MYOF: variants seen among roughly 807,000 people sequenced by gnomAD.
The protein encoded by MYOF is myoferlin.
In MYOF, 244 loss-of-function variants were observed where a neutral mutation model predicts 284.2. That is an observed-to-expected ratio of 0.86 (90% CI 0.77 to 0.95). The LOEUF is 0.95. Among genes scored for constraint, MYOF ranks in the 40% least tolerant of loss-of-function variants. The pLI is 0.00. For missense variants in MYOF, 2,496 were observed against 2,560.6 expected, an observed-to-expected ratio of 0.97 and a Z score of 0.54; for synonymous variants, 904 against 919.7, an observed-to-expected ratio of 0.98 and a Z score of 0.31.
intron 9 of MYOF, 83 bp downstream of exon 9, chr10:93,403,940 A>C: frequency 6.9e-7 from 1 of 1,450,084 alleles, no homozygotes; most frequent in Non-Finnish European, 9.7e-7. Flanking sequence ...GATGCCACCA[A>C]GATGCGTACA....
chr10:93,367,503 G>A (rs753083206), intron 25 of MYOF, among the ~76,000 whole-genome samples: 1 of 152,214 alleles, frequency 6.6e-6, no homozygotes, highest in African/African-American at 2.4e-5. Flanking sequence ...TCAGCCTGGA[G>A]GGGAGATGAG....
Position 93,404,314 on chromosome 10 carries a change from C to T in MYOF, c.730-95G>A, listed in dbSNP as rs141299911. 2.5e-4 allele frequency: 319 copies of T among 1,280,986 alleles called. No homozygotes were observed. In the African/African-American group the frequency reaches 4.2e-3, roughly 17 times the overall value. 79.4% of individuals were successfully genotyped at this position (1,280,986 alleles called of 1,614,324 possible). ...ATTTTGGGGGCCCTCCTAAAAAATG[C>T]AAAACACAAATTCAAAATTAGGTTT... On this transcript the variant is annotated intron_variant, in intron 7 of 53. Coordinates refer to ENST00000359263, the MANE Select transcript of MYOF (RefSeq NM_013451.4).
intron 49 of MYOF, among the ~76,000 whole-genome samples, chr10:93,318,513 C>A (rs1420338015): frequency 1.3e-5 from 2 of 152,152 alleles, no homozygotes; most frequent in Non-Finnish European, 2.9e-5. Context: ...AATCCCAGCA[C>A]TTTGCGGGGC....
rs191977969 is a variant in MYOF, at chr10:93,380,892, C to T, written c.1876+327G>A. Among the ~76,000 whole-genome samples, 409 of 152,272 alleles carry T rather than the reference C, an allele frequency of 2.7e-3. 2 individuals are homozygous for T. The highest frequency in any genetic ancestry group is 0.013 in the Admixed American group (204 of 15,296). On this transcript the variant is annotated intron_variant, in intron 20 of 53. Coordinates refer to ENST00000359263, the MANE Select transcript of MYOF (RefSeq NM_013451.4). ...TCAGCCTAAGAAAGATTTGGGGCTT[C>T]GTAGGGGTAGGAGCTGCTTTGCGGA...
rs140255016 is a variant in MYOF, at chr10:93,354,666, A to ACTCTCTCTCTCTCTCTCTCTCTCTCTCT, written c.3404-806_3404-779dup. On this transcript the variant is annotated intron_variant, in intron 31 of 53. Coordinates refer to ENST00000359263, the MANE Select transcript of MYOF (RefSeq NM_013451.4). The stretch of plus-strand genomic sequence containing the variant: ...CTCTGTCTCTATCACTCACACATTC[A>ACTCTCTCTCTCTCTCTCTCTCTCTCTCT]CTCTCTCTCTCTCTCTCTCTCTCTC... Among the ~76,000 whole-genome samples, 445 of 119,192 alleles carry ACTCTCTCTCTCTCTCTCTCTCTCTCTCT rather than the reference A, an allele frequency of 3.7e-3. 23 individuals are homozygous for ACTCTCTCTCTCTCTCTCTCTCTCTCTCT. Among genetic ancestry groups the ACTCTCTCTCTCTCTCTCTCTCTCTCTCT allele is most frequent in the Non-Finnish European group, 6.1e-3 (349 of 56,862 alleles). The allele number at this position is 119,192 out of a possible 152,430, so 78.2% of individuals were successfully genotyped here.
chr10:93,388,649 T>G (rs994309936), intron 18 of MYOF, among the ~76,000 whole-genome samples: 1 of 152,234 alleles, frequency 6.6e-6, no homozygotes. Flanking sequence ...ATCTCTGGGC[T>G]TCCATGTCTT....
At position 93,373,053 on chromosome 10, in the gene MYOF, C is replaced by G; in HGVS notation, c.2334G>C (p.Trp778Cys). The G allele has an allele frequency of 1.2e-6, 2 of 1,614,154 alleles. No individual in the cohort carries two copies. The highest frequency in any genetic ancestry group is 1.7e-6 in the Non-Finnish European group (2 of 1,180,018). ...CCAGTCTCTTCTCTCCCCGGATCAT[C>G]CAGATGATGATGTCAGGCATGCTGT... ...PQNSMPDIII[W>C]MIRGEKRLAY... Residue 778 changes from tryptophan (W) to cysteine (C), a missense_variant, in exon 24 of 54, where the codon TGG (tryptophan) becomes TGC (cysteine). By Grantham distance (215) the Trp-to-Cys change is radical. Coordinates refer to ENST00000359263, the MANE Select transcript of MYOF (RefSeq NM_013451.4).
chr10:93,320,230 A>G (rs564718943), intron 48 of MYOF, among the ~76,000 whole-genome samples: 1 of 152,312 alleles, frequency 6.6e-6, no homozygotes, highest in Admixed American at 6.5e-5. Flanking sequence ...TTCCCCTAAA[A>G]CCAAAGCAGG....
intron 36 of MYOF, 68 bp from the exon 37 acceptor site, chr10:93,347,850 A>T (rs762190260): frequency 2.1e-5 from 31 of 1,479,656 alleles, no homozygotes; most frequent in Non-Finnish European, 2.8e-5. Flanking sequence ...AAAATTCCCC[A>T]GATGGACCAG....
At chr10:93,429,858 A>AT (rs375565311) in intron 4 of MYOF, among the ~76,000 whole-genome samples, 60 of 151,498 alleles carry the variant, frequency 4.0e-4, no homozygotes, top group Middle Eastern at 3.4e-3. Flanking sequence ...CACTTGAGTC[A>AT]TTTTTTTTTA....
intron 4 of MYOF, among the ~76,000 whole-genome samples, chr10:93,429,518 A>G (rs1848741741): frequency 6.6e-6 from 1 of 152,204 alleles, no homozygotes; most frequent in South Asian, 2.1e-4. Flanking sequence ...GACTTATACC[A>G]TCTTTCCTCA....
intron 48 of MYOF, among the ~76,000 whole-genome samples, chr10:93,322,187 G>C (rs1002179008): frequency 6.6e-6 from 1 of 152,138 alleles, no homozygotes; most frequent in African/African-American, 2.4e-5. Flanking sequence ...TTGATTGAAG[G>C]CCACATGGGA....
rs1485613970 is a variant in MYOF at position 93,374,846 on chromosome 10, T to TA, written c.2217_2218insT (p.Met740TyrfsTer16). 6 of 1,614,148 alleles carry TA rather than the reference T, an allele frequency of 3.7e-6. No homozygotes were observed. The highest frequency in any genetic ancestry group is 5.1e-6 in the Non-Finnish European group (6 of 1,180,012). ...TTCACATCTGTGGCTTCCGACCTCA[T>TA]CCTCACAGCCGCCTCATGTATTTGG... On this transcript the variant is annotated frameshift_variant, in exon 23 of 54. Transcript: ENST00000359263. LOFTEE classifies it high-confidence loss of function.
chr10:93,312,910 C>A (rs942016309), intron 51 of MYOF, 110 bp downstream of exon 51: 1 of 1,172,072 alleles, frequency 8.5e-7, no homozygotes. Flanking sequence ...TAAACTCCCA[C>A]CAATTTAAAA....
chr10:93,472,976 C>A (rs1469009726), intron 1 of MYOF, among the ~76,000 whole-genome samples: 1 of 152,176 alleles, frequency 6.6e-6, no homozygotes, highest in Non-Finnish European at 1.5e-5. Flanking sequence ...CACAATTGCT[C>A]CCAACAACCT....
intron 1 of MYOF, chr10:93,478,077 T>C (rs2057304681): frequency 1.1e-5 from 2 of 183,126 alleles, no homozygotes; most frequent in Admixed American, 1.2e-4. Context: ...CACTTTTTAG[T>C]TGCATAATCC....
intron 46 of MYOF, 127 bp from the exon 47 acceptor site, chr10:93,323,485 G>A: frequency 1.2e-6 from 1 of 850,850 alleles, no homozygotes; most frequent in South Asian, 1.9e-5. Context: ...TAGTCCACAT[G>A]GAAGGCAAGA....
intron 12 of MYOF, among the ~76,000 whole-genome samples, chr10:93,401,010 G>A (rs1847267599): frequency 6.6e-6 from 1 of 151,758 alleles, no homozygotes; most frequent in African/African-American, 2.4e-5. Flanking sequence ...CCGCCACCAT[G>A]CCCAGCTAAT....
chr10:93,429,710 A>G (rs992370314), intron 4 of MYOF, among the ~76,000 whole-genome samples: 2 of 152,128 alleles, frequency 1.3e-5, no homozygotes, highest in African/African-American at 4.8e-5. Context: ...TGCATCTTTT[A>G]ATGTAAATTT....
Sources: allele counts gnomAD v4.1 joint callset (sites outside exome capture counted in the v4.1 genomes callset), GRCh38; gene constraint gnomAD v4.1.1; transcripts MANE v1.5; gene names NCBI Gene and HGNC (gene_info 2026-07-23, HGNC 2026-07-21).